Variants in ACSM3 observed in about 807,000 individuals in gnomAD.
ACSM3 encodes the protein acyl-CoA synthetase medium chain family member 3.
A neutral mutation model predicts 74.1 loss-of-function variants in ACSM3; 61 were observed. That is an observed-to-expected ratio of 0.82 (90% confidence interval 0.67 to 1.02). The LOEUF (loss-of-function observed/expected upper bound fraction) is 1.02. Among genes scored for constraint, ACSM3 ranks in the 50% least tolerant of loss-of-function variants. The probability of loss-of-function intolerance (pLI) is 0.00; values close to 1 mark genes in which losing one functional copy is unlikely to be tolerated. For missense variants in ACSM3, 660 were observed against 697.0 expected (o/e 0.95, Z 0.60); for synonymous variants, 213 against 241.5 (o/e 0.88, Z 1.09).
chr16:20,739,442 AT>A (rs2079898963), intron 1 of ACSM3, among the ~76,000 whole-genome samples: 1 of 152,068 alleles, frequency 6.6e-6, no homozygotes, highest in South Asian at 2.1e-4. Context: ...AAGTGCTGGG[AT>A]TACAGGTGTG....
At chr16:20,739,320 C>A (rs145692147) in intron 1 of ACSM3, among the ~76,000 whole-genome samples, 442 of 151,938 alleles carry the variant, frequency 2.9e-3, no homozygotes, top group Admixed American at 4.8e-3. Flanking sequence ...TGATTACAGG[C>A]GCATGCCACT....
chr16:20,722,602 T>C (rs1008462658), intron 1 of ACSM3, among the ~76,000 whole-genome samples: 4 of 152,196 alleles, frequency 2.6e-5, no homozygotes, highest in Admixed American at 2.6e-4. Context: ...ATATATTTCA[T>C]AGAAATAGAA....
intron 1 of ACSM3, among the ~76,000 whole-genome samples, chr16:20,709,041 T>C (rs2079735506): frequency 6.6e-6 from 1 of 152,258 alleles, no homozygotes; most frequent in Non-Finnish European, 1.5e-5. Context: ...GTCTTTTTAA[T>C]AAATGGTGCT....
At position 20,770,056 on chromosome 16, in the gene ACSM3, A is replaced by C; in HGVS notation, c.22A>C (p.Lys8Gln). Residue 8 changes from lysine to glutamine, a missense_variant, in exon 2 of 14, where the codon AAG becomes CAG. Physicochemically the swap from Lys to Gln is moderately conservative, Grantham distance 53. Transcript: ENST00000289416. The part of the protein sequence containing the change: MLARVTR[K>Q]MLRHAKCFQR... ...ACTGATGCTAGCTCGTGTCACCAGG[A>C]AGATGCTACGTCATGCCAAGTGTTT... The C allele has an allele frequency of 6.2e-7, 1 of 1,614,190 alleles. No individual in the cohort carries two copies.
At chr16:20,769,595 G>A (rs920998218) in intron 1 of ACSM3, among the ~76,000 whole-genome samples, 1 of 152,250 alleles carries the variant, frequency 6.6e-6, no homozygotes, top group African/African-American at 2.4e-5. Context: ...TAGACAAGAA[G>A]CCTTAGCCCT....
At chr16:20,759,214 C>G (rs949303385), upstream of ACSM3, among the ~76,000 whole-genome samples, 2 of 152,168 alleles carry the variant, frequency 1.3e-5, no homozygotes, top group Non-Finnish European at 2.9e-5. Context: ...GAGTTAATTA[C>G]CAATGACCAA....
chr16:20,743,542 TC>T (rs925687453), intron 1 of ACSM3: 57 of 152,342 alleles, frequency 3.7e-4, no homozygotes, highest in African/African-American at 1.3e-3. Flanking sequence ...AGATTTGAGT[TC>T]CTACAAAGCC....
At chr16:20,739,068 T>C (rs1301570879) in intron 1 of ACSM3, 3 of 1,614,116 alleles carry the variant, frequency 1.9e-6, no homozygotes, top group Admixed American at 1.7e-5. Context: ...TCCTTGTCTG[T>C]AAACTGTTTG....
chr16:20,788,581 C>T (rs1389331683), intron 9 of ACSM3, among the ~76,000 whole-genome samples: 1 of 152,206 alleles, frequency 6.6e-6, no homozygotes. Context: ...ATTCTGGCAT[C>T]TGGGGATGTG....
chr16:20,775,861 C>T lies in ACSM3; in HGVS notation c.242C>T (p.Pro81Leu), dbSNP rs1567349657. The change falls in exon 3 of 14, where the codon CCA becomes CTA. Residue 81 changes from proline (P) to leucine (L), a missense_variant. Physicochemically the swap from Pro to Leu is moderately conservative, Grantham distance 98 (BLOSUM62 -3). Coordinates refer to ENST00000289416, the MANE Select transcript of ACSM3 (RefSeq NM_005622.4). ...KEKAGKKPSN[P>L]AFWWINRNGE... Reference sequence around the variant, plus strand: ...CAGGCTGGAAAGAAACCTTCAAATCCAGCCTTCTGGTGGATCAACAGAAAT... The same window carrying T: ...CAGGCTGGAAAGAAACCTTCAAATCTAGCCTTCTGGTGGATCAACAGAAAT... 28 of 1,614,134 alleles carry T rather than the reference C, an allele frequency of 1.7e-5. No homozygotes were observed. Among genetic ancestry groups the T allele is most frequent in the Non-Finnish European group, 2.1e-5 (25 of 1,180,012 alleles).
At chr16:20,742,284 G>C (rs770918756) in intron 1 of ACSM3, among the ~76,000 whole-genome samples, 22 of 152,132 alleles carry the variant, frequency 1.4e-4, no homozygotes, top group Non-Finnish European at 2.6e-4. Flanking sequence ...ACAGAAACAA[G>C]TTGACCTTTA....
At chr16:20,701,441 T>C (rs533314061) in intron 1 of ACSM3, among the ~76,000 whole-genome samples, 24 of 152,192 alleles carry the variant, frequency 1.6e-4, no homozygotes, top group Non-Finnish European at 2.8e-4. Context: ...TGACAATGTC[T>C]ACCATACAGC....
chr16:20,733,649 A>G (rs940021731), intron 1 of ACSM3: 9 of 152,028 alleles, frequency 5.9e-5, no homozygotes, highest in Non-Finnish European at 1.3e-4. Context: ...GAAAGAAAAA[A>G]TATTAGAACA....
intron 1 of ACSM3, among the ~76,000 whole-genome samples, chr16:20,690,416 G>A (rs1431925424): frequency 6.6e-6 from 1 of 152,166 alleles, no homozygotes; most frequent in Non-Finnish European, 1.5e-5. Flanking sequence ...ATAACCTCTG[G>A]AAGACACAGG....
Position 20,790,493 on chromosome 16 carries a change from A to C in ACSM3, c.1225-94A>C. ...ATTTTTTTTAAGTCTTCATTTTTAA[A>C]TGGCAAAAGCCAAAATAAAACTTGC... On this transcript the variant is annotated intron_variant, in intron 9 of 13. Coordinates refer to ENST00000289416, the MANE Select transcript of ACSM3 (RefSeq NM_005622.4). The surrounding 1 kb of genome is among the most constrained non-coding windows in gnomAD (Gnocchi z 4.0). 7.7e-7 allele frequency: 1 copy of C among 1,298,658 alleles called. No individual in the cohort carries two copies. The highest frequency in any genetic ancestry group is 1.1e-6 in the Non-Finnish European group (1 of 930,652). The allele number at this position is 1,298,658 out of a possible 1,614,324, so 80.4% of individuals were successfully genotyped here.
At chr16:20,777,681 A>C in intron 4 of ACSM3, 101 bp downstream of exon 4, 1 of 1,022,048 alleles carries the variant, frequency 9.8e-7, no homozygotes, top group Non-Finnish European at 1.4e-6. Context: ...AATTAAAACA[A>C]CAGGCAAAGG....
chr16:20,777,771 G>C (rs779284992), intron 4 of ACSM3, among the ~76,000 whole-genome samples, 191 bp downstream of exon 4: 3 of 152,186 alleles, frequency 2.0e-5, no homozygotes, highest in Non-Finnish European at 2.9e-5. Flanking sequence ...TTGTAGGTTG[G>C]GATCCCCTGA....
At position 20,685,821 on chromosome 16, in the gene ACSM3, AAAAAAAAAAACAAAC is replaced by A. The variant is rs939390465; in HGVS notation, c.-190+11014_-190+11028del. On this transcript the variant is annotated intron_variant, in intron 1 of 3. Transcript: ENST00000561584. ...GATGACACAGTGAGACTCCGTCTCA[AAAAAAAAAAACAAAC>A]AAAAAAAAAACAAAAAACTTATAGC... Among the ~76,000 whole-genome samples, 13 of 114,896 alleles carry A rather than the reference AAAAAAAAAAACAAAC, an allele frequency of 1.1e-4. 2 individuals are homozygous for A. The highest frequency in any genetic ancestry group is 4.0e-3 in the Middle Eastern group (1 of 248). 75.4% of individuals were successfully genotyped at this position (114,896 alleles called of 152,430 possible).
intron 1 of ACSM3, among the ~76,000 whole-genome samples, chr16:20,701,091 C>T (rs2079711561): frequency 6.6e-6 from 1 of 152,014 alleles, no homozygotes; most frequent in South Asian, 2.1e-4. Context: ...CCTTTGACTT[C>T]TTCAATAATA....
Sources: allele counts gnomAD v4.1 joint callset (sites outside exome capture counted in the v4.1 genomes callset), GRCh38; gene constraint gnomAD v4.1.1; non-coding constraint Gnocchi (gnomAD v3.1); transcripts MANE v1.5; gene names NCBI Gene and HGNC (gene_info 2026-07-23, HGNC 2026-07-21).